Variants in TENM4 observed in about 807,000 individuals in gnomAD.
TENM4 encodes the protein teneurin-4.
In TENM4, 82 loss-of-function variants were observed where a neutral mutation model predicts 243.3. That is an observed-to-expected ratio of 0.34 (90% confidence interval 0.28 to 0.40). TENM4 has a LOEUF of 0.40. TENM4 is among the 10% of genes least tolerant of loss of function. The probability of loss-of-function intolerance (pLI) is 1.00; values close to 1 mark genes in which losing one functional copy is unlikely to be tolerated. For missense variants in TENM4, 3,138 were observed against 3,673.3 expected, an observed-to-expected ratio of 0.85 and a Z score of 3.77; for synonymous variants, 1,412 against 1,456.3, an observed-to-expected ratio of 0.97 and a Z score of 0.69.
At chr11:78,918,649 C>T (rs898437325) in intron 6 of TENM4, among the ~76,000 whole-genome samples, 5 of 152,194 alleles carry the variant, frequency 3.3e-5, no homozygotes, top group East Asian at 1.9e-4. Context: ...TGCAGAGGTG[C>T]GCTGACACCA....
chr11:78,864,049 A>G (rs1270792700), intron 9 of TENM4, among the ~76,000 whole-genome samples: 2 of 152,234 alleles, frequency 1.3e-5, no homozygotes, highest in African/African-American at 2.4e-5. Context: ...TAAGTATAAC[A>G]TGCAGAAGTG....
intron 25 of TENM4, 99 bp downstream of exon 25, chr11:78,720,271 C>G: frequency 7.2e-7 from 1 of 1,383,048 alleles, no homozygotes; most frequent in Non-Finnish European, 1.0e-6. Flanking sequence ...ACACAGGATT[C>G]TTTTGCCATA....
intron 1 of TENM4, among the ~76,000 whole-genome samples, chr11:79,395,165 A>G (rs1230273244): frequency 6.6e-6 from 1 of 152,260 alleles, no homozygotes; most frequent in African/African-American, 2.4e-5. Flanking sequence ...GTTGCAACAC[A>G]GAGAAAAAAA....
intron 2 of TENM4, among the ~76,000 whole-genome samples, chr11:79,231,808 A>G (rs1044734744): frequency 2.0e-5 from 3 of 152,134 alleles, no homozygotes; most frequent in Admixed American, 1.3e-4. Context: ...GCCAGGCGTG[A>G]TGGCTCATGC....
At chr11:79,034,475 G>A (rs1331858035) in intron 6 of TENM4, among the ~76,000 whole-genome samples, 3 of 152,182 alleles carry the variant, frequency 2.0e-5, no homozygotes, top group African/African-American at 7.2e-5. Context: ...CTCTTGTTGT[G>A]AGGATAATTA....
chr11:79,091,298 T>C (rs1354839071), intron 4 of TENM4, among the ~76,000 whole-genome samples: 1 of 152,206 alleles, frequency 6.6e-6, no homozygotes, highest in African/African-American at 2.4e-5. Flanking sequence ...ATTCATTCAT[T>C]CTTCCTGTTT....
intron 1 of TENM4, among the ~76,000 whole-genome samples, chr11:79,363,606 T>C (rs1457834350): frequency 6.6e-6 from 1 of 152,170 alleles, no homozygotes; most frequent in East Asian, 1.9e-4. Context: ...CATGAGACAA[T>C]GTGTGTAAAG....
chr11:79,246,485 T>C (rs974252118), intron 2 of TENM4, among the ~76,000 whole-genome samples: 2 of 152,182 alleles, frequency 1.3e-5, no homozygotes, highest in African/African-American at 2.4e-5. Flanking sequence ...AAAATGTCCA[T>C]AGCACCATCA....
intron 1 of TENM4, among the ~76,000 whole-genome samples, chr11:79,408,585 G>A (rs894667934): frequency 1.3e-5 from 2 of 152,138 alleles, no homozygotes; most frequent in African/African-American, 4.8e-5. Context: ...TCAACACACT[G>A]GCTTTGTTAA....
chr11:78,720,666 G>A (rs1430226543), intron 24 of TENM4, among the ~76,000 whole-genome samples: 1 of 152,188 alleles, frequency 6.6e-6, no homozygotes, highest in East Asian at 1.9e-4. Flanking sequence ...GACACATTCT[G>A]CTGCTTTAAC....
chr11:79,178,702 C>A (rs1863221959), intron 3 of TENM4, among the ~76,000 whole-genome samples: 1 of 152,136 alleles, frequency 6.6e-6, no homozygotes, highest in South Asian at 2.1e-4. Flanking sequence ...GACTGGAGTT[C>A]CTCAAGGGCA....
chr11:78,889,764 C>G (rs773210505), intron 9 of TENM4, 21 bp downstream of exon 9: 2 of 1,549,982 alleles, frequency 1.3e-6, no homozygotes, highest in South Asian at 1.2e-5. Flanking sequence ...GCAAGGGGAG[C>G]TGGGGTGAAG....
chr11:78,906,738 C>A (rs547088732), intron 6 of TENM4, among the ~76,000 whole-genome samples: 2 of 152,152 alleles, frequency 1.3e-5, no homozygotes, highest in African/African-American at 2.4e-5. Flanking sequence ...CAACCCAGAC[C>A]TCTCATTTTC....
chr11:79,248,322 G>A (rs1328489426), intron 2 of TENM4, among the ~76,000 whole-genome samples: 1 of 152,236 alleles, frequency 6.6e-6, no homozygotes, highest in African/African-American at 2.4e-5. Flanking sequence ...TCTCCTTCCT[G>A]AAGGTTCACA....
rs1046096538 is a variant in TENM4 at position 78,771,198 on chromosome 11, A to T, written c.2393-60T>A. On this transcript the variant is annotated intron_variant, in intron 17 of 33. Coordinates refer to ENST00000278550, the MANE Select transcript of TENM4 (RefSeq NM_001098816.3). ...CCCAGAGTCAACTGCCATCACACAC[A>T]CTAACACGCTACCTGCCAACTTGCA... is the stretch of plus-strand genomic sequence containing the variant. 13 of 1,536,388 alleles carry T rather than the reference A, an allele frequency of 8.5e-6. No individual in the cohort carries two copies. In the Admixed American group the frequency reaches 2.4e-4, roughly 28 times the overall value.
intron 1 of TENM4, among the ~76,000 whole-genome samples, chr11:79,323,771 T>C (rs1282489482): frequency 6.6e-6 from 1 of 152,188 alleles, no homozygotes; most frequent in Non-Finnish European, 1.5e-5. Context: ...TAGAAATCCT[T>C]CCTGGGTTTC....
intron 2 of TENM4, among the ~76,000 whole-genome samples, chr11:79,266,565 C>G (rs944511061): frequency 3.0e-4 from 46 of 152,212 alleles, no homozygotes; most frequent in African/African-American, 9.9e-4. Context: ...AGGCCCTTAT[C>G]TTTGCTACTA....
At chr11:79,214,288 C>T (rs1272207930) in intron 3 of TENM4, among the ~76,000 whole-genome samples, 1 of 152,122 alleles carries the variant, frequency 6.6e-6, no homozygotes, top group African/African-American at 2.4e-5. Context: ...AGCCATCAAG[C>T]CTGGCCAAAA....
At chr11:78,970,336 G>C (rs541819360) in intron 6 of TENM4, among the ~76,000 whole-genome samples, 1 of 152,272 alleles carries the variant, frequency 6.6e-6, no homozygotes, top group East Asian at 1.9e-4. Context: ...AAATGGATTG[G>C]AATCCACTTT....
Sources: allele counts gnomAD v4.1 joint callset (sites outside exome capture counted in the v4.1 genomes callset), GRCh38; gene constraint gnomAD v4.1.1; transcripts MANE v1.5; gene names NCBI Gene and HGNC (gene_info 2026-07-23, HGNC 2026-07-21).